Variants in NAV3 observed in about 807,000 individuals in gnomAD.
NAV3 encodes neuron navigator 3.
Under a neutral mutation model 244.7 loss-of-function variants are expected in NAV3, and 87 were observed. That is an observed-to-expected ratio of 0.36 (90% CI 0.30 to 0.42). The LOEUF (loss-of-function observed/expected upper bound fraction) is 0.42. Ranked by LOEUF, NAV3 falls within the 20% of genes least tolerant of loss-of-function variation. The pLI is 1.00. For missense variants in NAV3, 2,663 were observed against 2,893.3 expected (o/e 0.92, Z 1.83); for synonymous variants, 1,126 against 1,042.2 (o/e 1.08, Z -1.55).
intron 1 of NAV3, among the ~76,000 whole-genome samples, chr12:77,874,502 T>C (rs1298335233): frequency 6.6e-6 from 1 of 152,174 alleles, no homozygotes; most frequent in East Asian, 1.9e-4. Context: ...TGATTCAGTA[T>C]GCTCAGCCAG....
At chr12:77,590,162 A>T (rs1436793763) in intron 2 of NAV3, among the ~76,000 whole-genome samples, 2 of 143,882 alleles carry the variant, frequency 1.4e-5, no homozygotes, top group East Asian at 3.9e-4. Context: ...AAGGAACCCC[A>T]GTAGAGGCTG....
chr12:78,097,583 G>T (rs1387471882), intron 12 of NAV3, among the ~76,000 whole-genome samples: 2 of 152,050 alleles, frequency 1.3e-5, no homozygotes, highest in Non-Finnish European at 2.9e-5. Flanking sequence ...GAAGAATCTG[G>T]AATGTTTTTA....
intron 2 of NAV3, among the ~76,000 whole-genome samples, chr12:77,673,511 T>C (rs975968594): frequency 1.3e-5 from 2 of 152,124 alleles, no homozygotes; most frequent in African/African-American, 4.8e-5. Flanking sequence ...CAACAAATCT[T>C]CCTTGAGCCA....
intron 2 of NAV3, among the ~76,000 whole-genome samples, chr12:77,593,092 A>G (rs1869983756): frequency 6.6e-6 from 1 of 152,180 alleles, no homozygotes; most frequent in Non-Finnish European, 1.5e-5. Flanking sequence ...TGTAACGAGC[A>G]TACAAGCCAG....
At chr12:78,094,433 G>A (rs906705091) in intron 12 of NAV3, among the ~76,000 whole-genome samples, 2 of 152,126 alleles carry the variant, frequency 1.3e-5, no homozygotes, top group Non-Finnish European at 2.9e-5. Flanking sequence ...ATTTTAATGA[G>A]AGGAAAGTAA....
At chr12:78,111,723 T>C (rs989945598) in intron 12 of NAV3, among the ~76,000 whole-genome samples, 2 of 152,124 alleles carry the variant, frequency 1.3e-5, no homozygotes, top group African/African-American at 4.8e-5. Context: ...TATATGTCTT[T>C]TGGAAAAAAT....
intron 20 of NAV3, among the ~76,000 whole-genome samples, chr12:78,146,070 T>C (rs1401526881): frequency 1.3e-5 from 2 of 152,136 alleles, no homozygotes; most frequent in Non-Finnish European, 2.9e-5. Flanking sequence ...ATTTGGTTTA[T>C]GTTGCTTATG....
At chr12:78,043,964 G>C (rs373700923) in intron 9 of NAV3, among the ~76,000 whole-genome samples, 3 of 152,156 alleles carry the variant, frequency 2.0e-5, no homozygotes, top group Non-Finnish European at 4.4e-5. Flanking sequence ...TTTGGCTTTT[G>C]TTGCCATTGC....
At chr12:77,765,369 T>C (rs1869687220) in intron 2 of NAV3, among the ~76,000 whole-genome samples, 2 of 152,224 alleles carry the variant, frequency 1.3e-5, no homozygotes, top group Non-Finnish European at 2.9e-5. Context: ...CCATGCCAGT[T>C]ACATATGCTA....
intron 16 of NAV3, among the ~76,000 whole-genome samples, chr12:78,126,591 G>T (rs1565690120): frequency 1.3e-5 from 2 of 152,096 alleles, no homozygotes; most frequent in Non-Finnish European, 2.9e-5. Context: ...CTAAAAGATG[G>T]TATAGCTTAA....
chr12:78,128,971 G>C (rs1593705437), intron 18 of NAV3, 105 bp downstream of exon 18: 1 of 1,073,532 alleles, frequency 9.3e-7, no homozygotes, highest in African/African-American at 1.6e-5. Flanking sequence ...TTTAAAGGGA[G>C]GGATAAAAGC....
intron 2 of NAV3, among the ~76,000 whole-genome samples, chr12:77,643,137 T>C (rs1179549940): frequency 6.6e-6 from 1 of 151,986 alleles, no homozygotes; most frequent in Non-Finnish European, 1.5e-5. Flanking sequence ...TATAACCTCC[T>C]TGATAAAACA....
At chr12:78,125,290 T>G (rs1005937753) in intron 16 of NAV3, among the ~76,000 whole-genome samples, 1 of 152,222 alleles carries the variant, frequency 6.6e-6, no homozygotes, top group Non-Finnish European at 1.5e-5. Context: ...GTCTACAATT[T>G]TAGATGATTT....
At chr12:78,133,970 C>T (rs1483305524) in intron 18 of NAV3, among the ~76,000 whole-genome samples, 1 of 152,156 alleles carries the variant, frequency 6.6e-6, no homozygotes, top group Non-Finnish European at 1.5e-5. Context: ...CCTGGTGAGA[C>T]TCATTGTCAT....
rs534826016 is a variant in NAV3, at chr12:77,907,404, G to A, written c.244-32915G>A. Among the ~76,000 whole-genome samples the A allele has an allele frequency of 6.8e-4, 103 of 152,140 alleles. No individual in the cohort carries two copies. The Middle Eastern group carries it at 0.017, about 25-fold the overall frequency. On this transcript the variant is annotated intron_variant, in intron 1 of 39. Coordinates refer to ENST00000397909, the MANE Select transcript of NAV3 (RefSeq NM_001024383.2). ...TAGTTGCCTCCAGGTGAGAGTTTTT[G>A]GTAACCTTCTCATGTCTCAAGATCG...
intron 2 of NAV3, among the ~76,000 whole-genome samples, chr12:77,579,441 G>A (rs1869245490): frequency 6.6e-6 from 1 of 152,228 alleles, no homozygotes; most frequent in African/African-American, 2.4e-5. Flanking sequence ...CAAGTCCAGT[G>A]CTGAGGTGCT....
At chr12:77,630,469 A>G (rs12322124) in intron 2 of NAV3, among the ~76,000 whole-genome samples, 18,162 of 152,136 alleles carry the variant, frequency 0.12, 2,011 homozygotes, top group African/African-American at 0.29. Flanking sequence ...TGTACTCTCC[A>G]TAGAATGTAT....
intron 12 of NAV3, among the ~76,000 whole-genome samples, chr12:78,072,100 A>G (rs965427570): frequency 6.6e-6 from 1 of 151,990 alleles, no homozygotes; most frequent in Non-Finnish European, 1.5e-5. Flanking sequence ...TCCAAAATTG[A>G]CACCCTAACA....
intron 21 of NAV3, 21 bp downstream of exon 21, chr12:78,146,413 A>T: frequency 9.8e-7 from 1 of 1,016,036 alleles, no homozygotes; most frequent in Non-Finnish European, 1.4e-6. Context: ...AATATGCAAT[A>T]TTTTAATATT....
Sources: gnomAD v4.1 joint callset for allele counts (sites outside exome capture counted in the v4.1 genomes callset) on GRCh38, gnomAD v4.1.1 for gene constraint, MANE v1.5 for transcripts, NCBI Gene and HGNC (gene_info 2026-07-23, HGNC 2026-07-21) for gene names.